Variants in TNKS2 observed in about 807,000 individuals in gnomAD.
TNKS2 encodes the protein tankyrase 2.
In TNKS2, 72 loss-of-function variants were observed where a neutral mutation model predicts 137.6. The observed-to-expected ratio is 0.52, with a 90% CI of 0.43 to 0.64. The LOEUF (loss-of-function observed/expected upper bound fraction) is 0.64, where lower values mean the gene tolerates loss of function less well. Ranked by LOEUF, TNKS2 falls within the 30% of genes least tolerant of loss-of-function variation. The pLI is 0.00. For missense variants in TNKS2, 1,049 were observed against 1,410.2 expected (o/e 0.74, Z 4.10); for synonymous variants, 516 against 512.1 (o/e 1.01, Z -0.10).
At chr10:91,830,628 A>G (rs1050675676) in intron 9 of TNKS2, among the ~76,000 whole-genome samples, 1 of 152,224 alleles carries the variant, frequency 6.6e-6, no homozygotes, top group Non-Finnish European at 1.5e-5. Flanking sequence ...TTTGAAAAGG[A>G]TATTGGTCAC....
intron 16 of TNKS2, among the ~76,000 whole-genome samples, chr10:91,844,259 A>T (rs1229730771): frequency 1.3e-5 from 2 of 152,228 alleles, no homozygotes; most frequent in African/African-American, 4.8e-5. Context: ...GTAATATTTT[A>T]TGGTAGTTTT....
chr10:91,857,338 G>A, intron 23 of TNKS2, 87 bp from the exon 24 acceptor site: 1 of 786,308 alleles, frequency 1.3e-6, no homozygotes, highest in Non-Finnish European at 2.0e-6. Context: ...CTACCTTCTA[G>A]CTAAATGTAT....
In TNKS2 at chr10:91,863,116, G is replaced by T; in HGVS notation, c.*117G>T. The T allele has an allele frequency of 4.7e-6, 3 of 639,190 alleles. No homozygotes were observed. Among genetic ancestry groups the T allele is most frequent in the Admixed American group, 3.1e-5 (1 of 32,214 alleles). 39.6% of individuals were successfully genotyped at this position (639,190 alleles called of 1,614,324 possible). On this transcript the variant is annotated 3_prime_UTR_variant, in exon 27 of 27. Transcript: ENST00000371627. ...TCTTGCCCACAGGCCTGTGGCAAAA[G>T]GATAAAAATGTGAACGAAGTTTAAC...
chr10:91,799,044 A>G (rs1844069159), intron 1 of TNKS2, among the ~76,000 whole-genome samples, 155 bp downstream of exon 1: 1 of 152,056 alleles, frequency 6.6e-6, no homozygotes, highest in African/African-American at 2.4e-5. Flanking sequence ...TAAGGAGATT[A>G]GGGGTAGGGT....
At position 91,855,534 on chromosome 10, in the gene TNKS2, C is replaced by T. The variant is rs1003088609; in HGVS notation, c.2914-80C>T. On this transcript the variant is annotated intron_variant, in intron 22 of 26. Coordinates refer to ENST00000371627, the MANE Select transcript of TNKS2 (RefSeq NM_025235.4). ...TTGTATTCTCAAAAATAGAATCAGA[C>T]GAGTCAAGAACCATGTTCCCCAAAT... The T allele has an allele frequency of 8.2e-5, 88 of 1,072,022 alleles. 1 individual carries two copies. Among genetic ancestry groups the T allele is most frequent in the South Asian group, 7.3e-4 (49 of 66,862 alleles). The allele number at this position is 1,072,022 out of a possible 1,614,324, so 66.4% of individuals were successfully genotyped here.
At chr10:91,823,769 T>G (rs1844982632) in intron 7 of TNKS2, among the ~76,000 whole-genome samples, 1 of 152,198 alleles carries the variant, frequency 6.6e-6, no homozygotes, top group Admixed American at 6.5e-5. Flanking sequence ...TTCCCCACTT[T>G]CAGCAGCTGT....
intron 1 of TNKS2, among the ~76,000 whole-genome samples, chr10:91,802,711 A>C (rs776160686): frequency 6.6e-6 from 1 of 152,220 alleles, no homozygotes; most frequent in Non-Finnish European, 1.5e-5. Flanking sequence ...TCTCAGTAAC[A>C]TTTTCTTCTT....
At chr10:91,831,080 C>G (rs1020388645) in intron 10 of TNKS2, 23 bp from the exon 11 acceptor site, 1 of 1,613,368 alleles carries the variant, frequency 6.2e-7, no homozygotes, top group Non-Finnish European at 8.5e-7. Context: ...TATTCACTGT[C>G]TGGCTGATTT....
intron 1 of TNKS2, 26 bp from the exon 2 acceptor site, chr10:91,812,957 C>A (rs779691647): frequency 6.2e-7 from 1 of 1,610,552 alleles, no homozygotes; most frequent in East Asian, 2.2e-5. Flanking sequence ...GTTGAACTTA[C>A]GTGTGGACAA....
chr10:91,858,735 G>A (rs960696653), intron 24 of TNKS2, among the ~76,000 whole-genome samples: 1 of 152,222 alleles, frequency 6.6e-6, no homozygotes. Flanking sequence ...TGGGCCGGGT[G>A]CGGTGGCTCA....
intron 12 of TNKS2, 57 bp from the exon 13 acceptor site, chr10:91,836,862 T>G: frequency 1.3e-6 from 2 of 1,571,530 alleles, no homozygotes; most frequent in South Asian, 2.4e-5. Context: ...TCCATAAAGC[T>G]TGGTTCCATC....
intron 21 of TNKS2, 128 bp downstream of exon 21, chr10:91,851,464 A>G (rs909631752): frequency 3.6e-6 from 4 of 1,116,040 alleles, no homozygotes; most frequent in Non-Finnish European, 4.9e-6. Flanking sequence ...TTTAGGATTC[A>G]GGAAACTGGG....
At position 91,848,385 on chromosome 10, in the gene TNKS2, G is replaced by A. The variant is rs3758499; in HGVS notation, c.2361G>A (p.Ala787=). The change falls in exon 19 of 27, where the codon GCG becomes GCA. Residue 787 remains alanine (A), a splice_region_variant and synonymous_variant. Coordinates refer to ENST00000371627, the MANE Select transcript of TNKS2 (RefSeq NM_025235.4). ...EGQTPLDLVS[A]DDVSALLTAA... ...GTTGTCTCTGACACGTACCCTAGGC[G>A]GATGATGTCAGCGCTCTTCTGACAG... 0.33 allele frequency: 535,620 copies of A among 1,613,252 alleles called. 93,314 individuals carry two copies. The highest frequency in any genetic ancestry group is 0.49 in the South Asian group (44,961 of 91,046).
intron 13 of TNKS2, 64 bp from the exon 14 acceptor site, chr10:91,840,497 G>A: frequency 6.9e-7 from 1 of 1,449,370 alleles, no homozygotes. Flanking sequence ...CCTACTAAAT[G>A]ACTTGAAACA....
chr10:91,828,187 T>G (rs1845125345), intron 8 of TNKS2, 98 bp from the exon 9 acceptor site: 2 of 1,281,362 alleles, frequency 1.6e-6, no homozygotes, highest in East Asian at 2.8e-5. Flanking sequence ...TTTGGAAGAT[T>G]ATTTTGAAAA....
chr10:91,831,906 A>G (rs573199765), intron 11 of TNKS2, among the ~76,000 whole-genome samples: 65 of 152,294 alleles, frequency 4.3e-4, no homozygotes, highest in Non-Finnish European at 8.1e-4. Flanking sequence ...AGTATACTCT[A>G]TAACAGAGAA....
chr10:91,835,328 C>G lies in TNKS2; in HGVS notation c.1447+1304C>G, dbSNP rs185716401. On this transcript the variant is annotated intron_variant, in intron 12 of 26. Transcript: ENST00000371627. The stretch of plus-strand genomic sequence containing the variant: ...TTTTCCAAGCAGGGTCTCGCACTGT[C>G]GCCCGGGCTGGAGTGCAATGGTGCA... Among the ~76,000 whole-genome samples the G allele has an allele frequency of 3.8e-3, 520 of 138,452 alleles. 7 individuals are homozygous for G. The highest frequency in any genetic ancestry group is 0.014 in the African/African-American group (506 of 36,088). 90.8% of individuals were successfully genotyped at this position (138,452 alleles called of 152,430 possible).
intron 6 of TNKS2, among the ~76,000 whole-genome samples, chr10:91,821,584 C>G (rs185260886): frequency 3.9e-5 from 6 of 152,252 alleles, no homozygotes; most frequent in Non-Finnish European, 7.4e-5. Flanking sequence ...GGAAAAGCTT[C>G]AAGATAGAAG....
At position 91,855,675 on chromosome 10, in the gene TNKS2, A is replaced by G; in HGVS notation, c.2975A>G (p.Tyr992Cys). 1 of 1,611,788 alleles carries G rather than the reference A, an allele frequency of 6.2e-7. No homozygotes were observed. Among genetic ancestry groups the G allele is most frequent in the South Asian group, 1.1e-5 (1 of 90,898 alleles). The change falls in exon 23 of 27, where the codon TAC becomes TGC. Residue 992 changes from tyrosine to cysteine, a missense_variant. By Grantham distance (194) the Tyr-to-Cys change is radical (BLOSUM62 -2). Around this residue, in one of 6 missense-constraint regions of TNKS2, gnomAD observed 133 missense variants for 248.4 expected, o/e 0.54. Coordinates refer to ENST00000371627, the MANE Select transcript of TNKS2 (RefSeq NM_025235.4). ...CATGCAGGTGGAATCTTCAACAGAT[A>G]CAATATTCTCAAGGTAATAAATTAG... Reference protein sequence around the residue: ...GGHAGGIFNRYNILKIQKVCN... With the variant: ...GGHAGGIFNRCNILKIQKVCN...
Sources: gnomAD v4.1 joint callset for allele counts (sites outside exome capture counted in the v4.1 genomes callset) on GRCh38, gnomAD v4.1.1 for gene constraint, gnomAD v4.1.1 regional missense constraint, MANE v1.5 for transcripts, NCBI Gene and HGNC (gene_info 2026-07-23, HGNC 2026-07-21) for gene names.